The following PAG1 variants were observed in gnomAD, a reference collection of about 807,000 sequenced individuals.
PAG1 encodes phosphoprotein associated with glycosphingolipid-enriched microdomains 1.
Under a neutral mutation model 31.7 loss-of-function variants are expected in PAG1, and 23 were observed. The ratio of observed to expected loss-of-function variants is 0.73; its 90% confidence interval spans 0.52 to 1.03. The LOEUF (loss-of-function observed/expected upper bound fraction) is 1.03, where lower values mean the gene tolerates loss of function less well. PAG1 is among the 50% of genes least tolerant of loss of function. PAG1 has a pLI of 0.00. For synonymous variants in PAG1, 214 were observed against 210.3 expected (o/e 1.02, Z -0.15); for missense variants, 473 against 540.7 (o/e 0.87, Z 1.24).
intron 3 of PAG1, among the ~76,000 whole-genome samples, chr8:81,019,578 G>A: frequency 6.6e-6 from 1 of 152,254 alleles, no homozygotes. Context: ...GCTTACACAT[G>A]GTGTTGGGCC....
At chr8:81,106,891 G>C (rs145652251) in intron 1 of PAG1, among the ~76,000 whole-genome samples, 1 of 152,122 alleles carries the variant, frequency 6.6e-6, no homozygotes, top group African/African-American at 2.4e-5. Context: ...ATAAGTGTTC[G>C]TTTCCTTTGA....
intron 3 of PAG1, among the ~76,000 whole-genome samples, chr8:81,011,224 C>A (rs1345150170): frequency 1.3e-5 from 2 of 152,296 alleles, no homozygotes; most frequent in East Asian, 3.9e-4. Flanking sequence ...TTGGCTGTGT[C>A]CCCACCCAAA....
intron 1 of PAG1, among the ~76,000 whole-genome samples, chr8:81,085,972 G>GTGTTTTTTTTTT (rs1809345255): frequency 7.0e-4 from 41 of 58,904 alleles, no homozygotes; most frequent in African/African-American, 2.9e-3. Flanking sequence ...AATCTGGCTT[G>GTGTTTTTTTTTT]TTTTTTTTTT....
At chr8:81,059,480 C>T (rs1808882754) in intron 2 of PAG1, among the ~76,000 whole-genome samples, 2 of 152,092 alleles carry the variant, frequency 1.3e-5, no homozygotes, top group Non-Finnish European at 2.9e-5. Flanking sequence ...ATTAAACATA[C>T]CTCCTGCTTG....
chr8:81,057,046 C>T (rs1032268460), intron 2 of PAG1, among the ~76,000 whole-genome samples: 10 of 152,064 alleles, frequency 6.6e-5, no homozygotes, highest in Admixed American at 4.6e-4. Flanking sequence ...GTTAGAATGG[C>T]AATCATTAAA....
chr8:81,092,365 C>T (rs922394171), intron 1 of PAG1, among the ~76,000 whole-genome samples: 11 of 152,002 alleles, frequency 7.2e-5, no homozygotes, highest in Admixed American at 1.3e-4. Flanking sequence ...GTGCAGGTGA[C>T]AAAGCAAGAC....
chr8:81,093,826 A>G (rs1313671436), intron 1 of PAG1, among the ~76,000 whole-genome samples: 6 of 151,436 alleles, frequency 4.0e-5, no homozygotes, highest in African/African-American at 1.5e-4. Context: ...TTCCAAAATA[A>G]TCAAAGCAGC....
chr8:81,050,562 C>T (rs538846217), intron 2 of PAG1, among the ~76,000 whole-genome samples: 2 of 152,068 alleles, frequency 1.3e-5, no homozygotes, highest in East Asian at 3.9e-4. Flanking sequence ...TGGGAGAGAC[C>T]AAAGCTTAGT....
chr8:81,091,555 GTACTGAA>G (rs2131066778), intron 1 of PAG1, among the ~76,000 whole-genome samples: 1 of 152,190 alleles, frequency 6.6e-6, no homozygotes, highest in South Asian at 2.1e-4. Context: ...GCATGTTACT[GTACTGAA>G]TACTGTAAGG....
chr8:81,047,072 A>G (rs1808653880), intron 2 of PAG1, among the ~76,000 whole-genome samples: 1 of 151,974 alleles, frequency 6.6e-6, no homozygotes. Context: ...TATGTACCAT[A>G]TTTTCTGTAC....
chr8:81,046,348 A>G (rs182507179), intron 2 of PAG1, among the ~76,000 whole-genome samples: 128 of 152,250 alleles, frequency 8.4e-4, no homozygotes, highest in Non-Finnish European at 6.2e-4. Flanking sequence ...TTTATCCATA[A>G]ACTGTTTAGT....
chr8:80,984,071 G>T (rs1287167813), intron 7 of PAG1, among the ~76,000 whole-genome samples: 2 of 152,092 alleles, frequency 1.3e-5, no homozygotes, highest in Non-Finnish European at 2.9e-5. Context: ...CTTTTTCTGT[G>T]TAGAAAACAG....
chr8:81,085,279 T>C (rs897116069), intron 1 of PAG1, among the ~76,000 whole-genome samples: 2 of 152,166 alleles, frequency 1.3e-5, no homozygotes, highest in Non-Finnish European at 2.9e-5. Flanking sequence ...GTCAGTGAAA[T>C]GTAAAATAAG....
chr8:81,005,911 G>T (rs1279005265), intron 3 of PAG1, among the ~76,000 whole-genome samples: 1 of 152,120 alleles, frequency 6.6e-6, no homozygotes, highest in Non-Finnish European at 1.5e-5. Flanking sequence ...TTGGAGAGGG[G>T]CCCAAGAATC....
At chr8:80,997,961 GGTTAA>G in intron 3 of PAG1, among the ~76,000 whole-genome samples, 1 of 152,108 alleles carries the variant, frequency 6.6e-6, no homozygotes, top group East Asian at 1.9e-4. Context: ...CAGTGCTTAT[GGTTAA>G]AGGACTTTCA....
At chr8:81,002,576 AG>A (rs1478496676) in intron 3 of PAG1, among the ~76,000 whole-genome samples, 2 of 152,236 alleles carry the variant, frequency 1.3e-5, no homozygotes, top group Non-Finnish European at 2.9e-5. Flanking sequence ...GCCAAATTAG[AG>A]AACGCGTCCT....
At chr8:81,041,130 T>C (rs1451158925) in intron 2 of PAG1, among the ~76,000 whole-genome samples, 1 of 151,896 alleles carries the variant, frequency 6.6e-6, no homozygotes, top group Non-Finnish European at 1.5e-5. Flanking sequence ...AAAACACCCC[T>C]TGAATCTTAA....
chr8:81,053,288 G>A (rs1808762316), intron 2 of PAG1, among the ~76,000 whole-genome samples: 1 of 152,224 alleles, frequency 6.6e-6, no homozygotes, highest in South Asian at 2.1e-4. Flanking sequence ...ACTTTGAAGT[G>A]ACAACTCAAT....
chr8:81,028,764 G>A lies in PAG1; in HGVS notation c.-81+1232C>T, dbSNP rs751717497. On this transcript the variant is annotated intron_variant, in intron 3 of 8. Transcript: ENST00000220597. Reference sequence around the variant, plus strand: ...TTTCCCATTCTGTACGCACAGCACAGATTCCTGCCAAGCCTATTACAGTGA... The same window carrying A: ...TTTCCCATTCTGTACGCACAGCACAAATTCCTGCCAAGCCTATTACAGTGA... Among the ~76,000 whole-genome samples the A allele has an allele frequency of 4.7e-4, 71 of 152,330 alleles. 2 individuals carry two copies. The highest frequency in any genetic ancestry group is 8.7e-4 in the Non-Finnish European group (59 of 68,036).
Sources: gnomAD v4.1 joint callset for allele counts (sites outside exome capture counted in the v4.1 genomes callset) on GRCh38, gnomAD v4.1.1 for gene constraint, MANE v1.5 for transcripts, NCBI Gene and HGNC (gene_info 2026-07-23, HGNC 2026-07-21) for gene names.